The following NHSL1 variants were observed in gnomAD, a reference collection of about 807,000 sequenced individuals.
NHSL1 encodes the protein NHS like 1.
NHSL1 carries 48 observed loss-of-function variants against 95.0 expected under a neutral mutation model. That is an observed-to-expected ratio of 0.51 (90% CI 0.40 to 0.64). NHSL1 has a LOEUF of 0.64. Among genes scored for constraint, NHSL1 ranks in the 30% least tolerant of loss-of-function variants. NHSL1 has a pLI of 0.00. For missense variants in NHSL1, 1,971 were observed against 2,077.7 expected, an observed-to-expected ratio of 0.95 and a Z score of 1.00; for synonymous variants, 783 against 833.9, an observed-to-expected ratio of 0.94 and a Z score of 1.05.
intron 3 of NHSL1, among the ~76,000 whole-genome samples, chr6:138,465,131 C>T (rs1778279029): frequency 6.6e-6 from 1 of 151,550 alleles, no homozygotes; most frequent in Non-Finnish European, 1.5e-5. Context: ...TAGGCCTTCA[C>T]ATTCACTCAC....
chr6:138,607,384 G>T (rs1433989880), intron 1 of NHSL1, among the ~76,000 whole-genome samples: 1 of 152,140 alleles, frequency 6.6e-6, no homozygotes, highest in East Asian at 1.9e-4. Context: ...TATTTACCCA[G>T]ATTAGCCTTG....
chr6:138,522,841 C>T (rs1349793613), intron 1 of NHSL1, among the ~76,000 whole-genome samples: 1 of 152,040 alleles, frequency 6.6e-6, no homozygotes, highest in East Asian at 1.9e-4. Flanking sequence ...TCTTTGAGCT[C>T]TCTTAATTTG....
chr6:138,540,754 A>C (rs1188063770), intron 1 of NHSL1, among the ~76,000 whole-genome samples: 2 of 152,190 alleles, frequency 1.3e-5, no homozygotes, highest in Non-Finnish European at 2.9e-5. Flanking sequence ...AGGCCTTCCT[A>C]AATCAGTAAC....
At chr6:138,470,270 G>A (rs1019294927) in intron 3 of NHSL1, among the ~76,000 whole-genome samples, 4 of 152,000 alleles carry the variant, frequency 2.6e-5, no homozygotes, top group Non-Finnish European at 4.4e-5. Flanking sequence ...ACTTTTACCC[G>A]AGAACAAGAT....
At chr6:138,521,704 G>A (rs1405436050) in intron 1 of NHSL1, among the ~76,000 whole-genome samples, 1 of 152,190 alleles carries the variant, frequency 6.6e-6, no homozygotes, top group East Asian at 1.9e-4. Flanking sequence ...GTGCAGGCTG[G>A]TGGTGCTATT....
intron 1 of NHSL1, among the ~76,000 whole-genome samples, chr6:138,557,152 T>C (rs941559901): frequency 1.3e-5 from 2 of 152,174 alleles, no homozygotes; most frequent in Non-Finnish European, 2.9e-5. Flanking sequence ...TCCATGATGT[T>C]AACACAAACA....
At chr6:138,589,726 T>C (rs888174753) in intron 1 of NHSL1, among the ~76,000 whole-genome samples, 21 of 152,166 alleles carry the variant, frequency 1.4e-4, no homozygotes, top group Non-Finnish European at 7.3e-5. Context: ...TTTTTCTAGA[T>C]AATACGCTCC....
upstream of NHSL1, among the ~76,000 whole-genome samples, chr6:138,502,440 A>G (rs1465306091): frequency 2.6e-5 from 4 of 151,842 alleles, no homozygotes; most frequent in Non-Finnish European, 5.9e-5. Flanking sequence ...AATCCATGGT[A>G]CTTCTGATGC....
intron 5 of NHSL1, among the ~76,000 whole-genome samples, chr6:138,438,553 G>C (rs1776331013): frequency 6.6e-6 from 1 of 152,152 alleles, no homozygotes; most frequent in Non-Finnish European, 1.5e-5. Context: ...ACTACAAAAA[G>C]ACAACTACAA....
chr6:138,682,227 ACCAATC>A, intron 1 of NHSL1, among the ~76,000 whole-genome samples: 1 of 152,216 alleles, frequency 6.6e-6, no homozygotes, highest in East Asian at 1.9e-4. Flanking sequence ...GTCTTATGAA[ACCAATC>A]AAAAGGGTAA....
intron 1 of NHSL1, among the ~76,000 whole-genome samples, chr6:138,654,265 T>C (rs1282826537): frequency 6.6e-6 from 1 of 152,196 alleles, no homozygotes; most frequent in African/African-American, 2.4e-5. Flanking sequence ...TTTCTTAATA[T>C]GCTTGCAAAA....
intron 3 of NHSL1, among the ~76,000 whole-genome samples, chr6:138,456,544 T>C (rs1777624034): frequency 6.6e-6 from 1 of 152,190 alleles, no homozygotes; most frequent in African/African-American, 2.4e-5. Flanking sequence ...ATCTAATACA[T>C]CTCTTTAGGG....
intron 3 of NHSL1, among the ~76,000 whole-genome samples, chr6:138,455,894 G>T (rs1777580847): frequency 6.6e-6 from 1 of 152,224 alleles, no homozygotes; most frequent in Non-Finnish European, 1.5e-5. Context: ...CAAAAGACGA[G>T]ATGATTGGGA....
intron 3 of NHSL1, among the ~76,000 whole-genome samples, chr6:138,459,487 A>G (rs1253176350): frequency 6.6e-6 from 1 of 152,192 alleles, no homozygotes; most frequent in Non-Finnish European, 1.5e-5. Flanking sequence ...AGAAGTTTTG[A>G]AATATTACTT....
chr6:138,492,688 G>A (rs142311342), intron 2 of NHSL1, among the ~76,000 whole-genome samples: 162 of 152,174 alleles, frequency 1.1e-3, no homozygotes, highest in African/African-American at 3.5e-3. Context: ...TCGCTGTGTC[G>A]TTTCCCTTCA....
intron 1 of NHSL1, among the ~76,000 whole-genome samples, chr6:138,565,486 G>C (rs982237123): frequency 6.6e-6 from 1 of 152,164 alleles, no homozygotes; most frequent in Non-Finnish European, 1.5e-5. Context: ...AGTGGAGAAA[G>C]CAAGAGAGGA....
At chr6:138,584,959 A>C (rs961648082) in intron 1 of NHSL1, among the ~76,000 whole-genome samples, 7 of 152,178 alleles carry the variant, frequency 4.6e-5, no homozygotes, top group Non-Finnish European at 7.3e-5. Flanking sequence ...GTGGGTAAGG[A>C]CCACAGGGCC....
chr6:138,560,421 G>A (rs1300419155), intron 1 of NHSL1, among the ~76,000 whole-genome samples: 4 of 152,188 alleles, frequency 2.6e-5, no homozygotes, highest in African/African-American at 9.7e-5. Context: ...CCTTATGACA[G>A]AACAACACTC....
At chr6:138,553,315 ACTCTGCT>A (rs1378573403) in intron 1 of NHSL1, among the ~76,000 whole-genome samples, 1 of 151,738 alleles carries the variant, frequency 6.6e-6, no homozygotes, top group African/African-American at 2.4e-5. Context: ...TTACCCCCAT[ACTCTGCT>A]TTTTACTTCT....
Sources: gnomAD v4.1 joint callset for allele counts (sites outside exome capture counted in the v4.1 genomes callset) on GRCh38, gnomAD v4.1.1 for gene constraint, MANE v1.5 for transcripts, NCBI Gene and HGNC (gene_info 2026-07-23, HGNC 2026-07-21) for gene names.